Variants in KCNK1 observed in about 807,000 individuals in gnomAD.
KCNK1 encodes potassium two pore domain channel subfamily K member 1, also known as potassium channel subfamily K member 1.
Under a neutral mutation model 22.2 loss-of-function variants are expected in KCNK1, and 10 were observed. The ratio of observed to expected loss-of-function variants is 0.45; its 90% CI spans 0.28 to 0.76. The LOEUF is 0.76. KCNK1 is among the 30% of genes least tolerant of loss of function. The probability of loss-of-function intolerance (pLI) is 0.14; values close to 1 mark genes in which losing one functional copy is unlikely to be tolerated. For synonymous variants in KCNK1, 200 were observed against 186.4 expected (o/e 1.07, Z -0.60); for missense variants, 378 against 421.0 (o/e 0.90, Z 0.89).
chr1:233,668,071 AAACTT>A (rs1658530728), intron 2 of KCNK1, among the ~76,000 whole-genome samples: 1 of 152,248 alleles, frequency 6.6e-6, no homozygotes, highest in Non-Finnish European at 1.5e-5. Context: ...ATATCATAGA[AAACTT>A]AACCATCCAT....
chr1:233,653,419 G>A (rs1193731353), intron 1 of KCNK1, among the ~76,000 whole-genome samples: 1 of 151,978 alleles, frequency 6.6e-6, no homozygotes, highest in Non-Finnish European at 1.5e-5. Flanking sequence ...TAATTGTTGT[G>A]TCAATTTGAC....
At chr1:233,657,286 G>C in intron 1 of KCNK1, among the ~76,000 whole-genome samples, 1 of 152,156 alleles carries the variant, frequency 6.6e-6, no homozygotes, top group South Asian at 2.1e-4. Context: ...TTTTGGGATG[G>C]AAAAGCCTTA....
rs755553086 is a variant in KCNK1 at position 233,614,287 on chromosome 1, T to C, written c.116T>C (p.Val39Ala). 3.1e-6 allele frequency: 5 copies of C among 1,613,350 alleles called. No homozygotes were observed. Among genetic ancestry groups the C allele is most frequent in the Admixed American group, 1.7e-5 (1 of 59,952 alleles). Residue 39 changes from valine (V) to alanine (A), a missense_variant, in exon 1 of 3, where the codon GTG becomes GCG. Val to Ala is a moderately conservative substitution (Grantham distance 64). Coordinates refer to ENST00000366621, the MANE Select transcript of KCNK1 (RefSeq NM_002245.4). The part of the protein sequence containing the change: ...GYLLYLVFGA[V>A]VFSSVELPYE... ...TTGCTCTACCTGGTCTTCGGCGCAG[T>C]GGTCTTCTCCTCGGTGGAGCTGCCC... is the stretch of plus-strand genomic sequence containing the variant.
intron 1 of KCNK1, among the ~76,000 whole-genome samples, chr1:233,654,890 C>A (rs1217127370): frequency 6.6e-6 from 1 of 152,228 alleles, no homozygotes; most frequent in African/African-American, 2.4e-5. Flanking sequence ...GGGCTGCCAC[C>A]TCCATCACAG....
chr1:233,664,676 C>T (rs1340160184), intron 1 of KCNK1, among the ~76,000 whole-genome samples: 2 of 152,124 alleles, frequency 1.3e-5, no homozygotes, highest in Admixed American at 6.6e-5. Flanking sequence ...GGTCAAGAAC[C>T]CTGCCTCTGC....
chr1:233,619,728 G>A (rs897819041), intron 1 of KCNK1, among the ~76,000 whole-genome samples: 3 of 152,000 alleles, frequency 2.0e-5, no homozygotes, highest in South Asian at 2.1e-4. Context: ...TGGCCAACAC[G>A]GTGAAACCCC....
chr1:233,638,073 G>A (rs1231693229), intron 1 of KCNK1, among the ~76,000 whole-genome samples: 1 of 151,648 alleles, frequency 6.6e-6, no homozygotes, highest in Non-Finnish European at 1.5e-5. Context: ...ATCCAAAGGG[G>A]GCATTGATTA....
intron 1 of KCNK1, among the ~76,000 whole-genome samples, chr1:233,618,438 A>T (rs1190396381): frequency 4.0e-5 from 6 of 151,278 alleles, no homozygotes; most frequent in Non-Finnish European, 4.4e-5. Context: ...ATATTTGGGG[A>T]GTAAGAAATA....
intron 1 of KCNK1, among the ~76,000 whole-genome samples, chr1:233,665,257 A>T (rs1302892965): frequency 1.3e-5 from 2 of 152,234 alleles, no homozygotes; most frequent in Non-Finnish European, 2.9e-5. Flanking sequence ...TTTTACAAGA[A>T]GTATTCTCAT....
At chr1:233,614,932 G>A (rs907486955) in intron 1 of KCNK1, among the ~76,000 whole-genome samples, 8 of 152,214 alleles carry the variant, frequency 5.3e-5, no homozygotes, top group Non-Finnish European at 5.9e-5. Flanking sequence ...CCTGGCCGCC[G>A]TGCGGCAAGG....
intron 1 of KCNK1, among the ~76,000 whole-genome samples, chr1:233,623,502 C>T (rs1657628288): frequency 1.3e-5 from 2 of 152,236 alleles, no homozygotes; most frequent in South Asian, 4.1e-4. Flanking sequence ...GATGTGATCA[C>T]TGTACATTAT....
chr1:233,647,417 G>A (rs898531006), intron 1 of KCNK1, among the ~76,000 whole-genome samples: 2 of 152,156 alleles, frequency 1.3e-5, no homozygotes, highest in Non-Finnish European at 2.9e-5. Context: ...ACCCTGTGGT[G>A]GACACTGCAG....
chr1:233,669,396 A>G (rs1005389093), intron 2 of KCNK1, among the ~76,000 whole-genome samples: 19 of 152,218 alleles, frequency 1.2e-4, no homozygotes, highest in Admixed American at 1.0e-3. Context: ...TTAAAAAGCA[A>G]TCTACATAGA....
intron 1 of KCNK1, among the ~76,000 whole-genome samples, chr1:233,617,074 T>A (rs1657499880): frequency 6.6e-6 from 1 of 152,146 alleles, no homozygotes; most frequent in Admixed American, 6.5e-5. Context: ...TTAACACTTC[T>A]AGTCCTTTTG....
chr1:233,649,510 C>A (rs978340213), intron 1 of KCNK1, among the ~76,000 whole-genome samples: 21 of 152,192 alleles, frequency 1.4e-4, no homozygotes, highest in African/African-American at 4.8e-4. Flanking sequence ...ATTGCTATAA[C>A]AAATTACCTT....
chr1:233,671,093 T>C (rs910058556), intron 2 of KCNK1, among the ~76,000 whole-genome samples, 178 bp from the exon 3 acceptor site: 1 of 152,232 alleles, frequency 6.6e-6, no homozygotes, highest in African/African-American at 2.4e-5. Context: ...CACTCTTTAA[T>C]AATGGGTAGT....
intron 1 of KCNK1, among the ~76,000 whole-genome samples, chr1:233,635,781 A>G (rs1053895029): frequency 1.3e-5 from 2 of 152,232 alleles, no homozygotes; most frequent in African/African-American, 4.8e-5. Flanking sequence ...TGTAATATCT[A>G]TTTCAGAAGG....
intron 1 of KCNK1, among the ~76,000 whole-genome samples, chr1:233,659,033 CTT>C (rs573403790): frequency 1.3e-5 from 2 of 152,064 alleles, no homozygotes; most frequent in African/African-American, 4.8e-5. Flanking sequence ...TTATATTAAT[CTT>C]AGCTTTTGTC....
At position 233,645,695 on chromosome 1, in the gene KCNK1, C is replaced by T. The variant is rs1571898288; in HGVS notation, c.356-20900C>T. Among the ~76,000 whole-genome samples, 6 of 152,112 alleles carry T rather than the reference C, an allele frequency of 3.9e-5. No individual in the cohort carries two copies. The South Asian group carries it at 1.2e-3, about 32-fold the overall frequency. On this transcript the variant is annotated intron_variant, in intron 1 of 2. Coordinates refer to ENST00000366621, the MANE Select transcript of KCNK1 (RefSeq NM_002245.4). ...AAGTTTATGGTAATTTGTACAGCAG[C>T]CACAGGAAACGAATACCAGTGTCTC...
Sources: gnomAD v4.1 joint callset for allele counts (sites outside exome capture counted in the v4.1 genomes callset) on GRCh38, gnomAD v4.1.1 for gene constraint, MANE v1.5 for transcripts, NCBI Gene and HGNC (gene_info 2026-07-23, HGNC 2026-07-21) for gene names.